HIVEP3: variants seen among roughly 807,000 people sequenced by gnomAD.
The protein encoded by HIVEP3 is HIVEP zinc finger 3, also known as transcription factor HIVEP3.
Under a neutral mutation model 152.8 loss-of-function variants are expected in HIVEP3, and 49 were observed. The observed-to-expected ratio is 0.32, with a 90% CI of 0.26 to 0.41. HIVEP3 has a LOEUF of 0.41. Ranked by LOEUF, HIVEP3 falls within the 10% of genes least tolerant of loss-of-function variation. The probability of loss-of-function intolerance (pLI) is 1.00; values close to 1 mark genes in which losing one functional copy is unlikely to be tolerated. For synonymous variants in HIVEP3, 1,269 were observed against 1,289.0 expected (o/e 0.98, Z 0.33); for missense variants, 2,790 against 3,103.3 (o/e 0.90, Z 2.40).
chr1:41,694,820 C>A (rs1159128542), intron 2 of HIVEP3, among the ~76,000 whole-genome samples: 1 of 152,176 alleles, frequency 6.6e-6, no homozygotes, highest in African/African-American at 2.4e-5. Context: ...GTTGGGATCA[C>A]TAGTCTCATT....
chr1:42,013,782 G>A (rs189227624), intron 1 of HIVEP3, among the ~76,000 whole-genome samples: 8 of 152,312 alleles, frequency 5.3e-5, no homozygotes, highest in Admixed American at 3.3e-4. Flanking sequence ...CAGAGAAGCA[G>A]AAAGACACCC....
chr1:41,766,585 G>A (rs1648023365), intron 1 of HIVEP3, among the ~76,000 whole-genome samples: 1 of 152,212 alleles, frequency 6.6e-6, no homozygotes, highest in Non-Finnish European at 1.5e-5. Context: ...GAGACTGAAG[G>A]TGAACTCACT....
intron 1 of HIVEP3, among the ~76,000 whole-genome samples, chr1:41,768,380 C>A (rs1648141426): frequency 6.6e-6 from 1 of 152,202 alleles, no homozygotes; most frequent in African/African-American, 2.4e-5. Flanking sequence ...GATTCAATTA[C>A]CTCCCACCAG....
chr1:41,904,668 C>T (rs541340942), intron 1 of HIVEP3, among the ~76,000 whole-genome samples: 1 of 152,296 alleles, frequency 6.6e-6, no homozygotes, highest in South Asian at 2.1e-4. Flanking sequence ...ACTTTATGCC[C>T]CACTTTGGTG....
chr1:41,883,627 T>C lies in HIVEP3; in HGVS notation c.-801+34786A>G, dbSNP rs558570315. Among the ~76,000 whole-genome samples, 6 of 152,318 alleles carry C rather than the reference T, an allele frequency of 3.9e-5. No homozygotes were observed. The South Asian group carries it at 1.2e-3, about 32-fold the overall frequency. ...ACCTCTCCAGGGCCAAAAGAGAACC[T>C]GTGACCCCACAGGATCGAGCCTGCC... On this transcript the variant is annotated intron_variant, in intron 1 of 8. Coordinates refer to ENST00000372583, the MANE Select transcript of HIVEP3 (RefSeq NM_024503.5).
chr1:41,844,437 T>C (rs1570652142), intron 1 of HIVEP3, among the ~76,000 whole-genome samples: 1 of 152,200 alleles, frequency 6.6e-6, no homozygotes, highest in Non-Finnish European at 1.5e-5. Flanking sequence ...CAGAGTCCTC[T>C]GCAGGCAAAG....
At chr1:41,791,259 T>C (rs546760635) in intron 1 of HIVEP3, among the ~76,000 whole-genome samples, 52 of 152,334 alleles carry the variant, frequency 3.4e-4, no homozygotes, top group Admixed American at 1.2e-3. Flanking sequence ...CTGCTTTTTA[T>C]CCCTGGAACA....
intron 2 of HIVEP3, among the ~76,000 whole-genome samples, chr1:41,648,758 G>A (rs924615509): frequency 6.6e-6 from 1 of 152,256 alleles, no homozygotes; most frequent in African/African-American, 2.4e-5. Context: ...AGGCATGGAA[G>A]TGGAAGTGAC....
intron 5 of HIVEP3, among the ~76,000 whole-genome samples, chr1:41,538,792 A>ATCCAGAAGC: frequency 6.6e-6 from 1 of 151,810 alleles, no homozygotes; most frequent in South Asian, 2.1e-4. Flanking sequence ...GCAGGCAGGA[A>ATCCAGAAGC]TGGGTTGAAA....
intron 5 of HIVEP3, among the ~76,000 whole-genome samples, chr1:41,544,828 C>CCAT (rs1187853558): frequency 1.1e-5 from 1 of 87,770 alleles, no homozygotes; most frequent in Admixed American, 1.1e-4. Flanking sequence ...TCTACCACCA[C>CCAT]CATCACCACC....
chr1:41,893,711 T>C (rs1209898649), intron 1 of HIVEP3, among the ~76,000 whole-genome samples: 1 of 150,402 alleles, frequency 6.6e-6, no homozygotes. Context: ...TGTGTGTGTA[T>C]GTGTTTGTGT....
At position 41,952,515 on chromosome 1, in the gene HIVEP3, C is replaced by G. The variant is rs546506531; in HGVS notation, n.120-33991G>C. 4.6e-5 allele frequency among the ~76,000 whole-genome samples: 7 copies of G among 152,288 alleles called. No homozygotes were observed. The East Asian group carries it at 1.4e-3, about 29-fold the overall frequency. ...GTTAAGGATCAGCAGAAGCAAGTTA[C>G]TTCTGGTCCCTGATAACCAAAGCCC... On this transcript the variant is annotated intron_variant and non_coding_transcript_variant, in intron 1 of 3. Transcript: ENST00000489103.
At chr1:41,530,928 C>A (rs1051097611) in intron 5 of HIVEP3, among the ~76,000 whole-genome samples, 2 of 152,226 alleles carry the variant, frequency 1.3e-5, no homozygotes, top group Admixed American at 1.3e-4. Context: ...TGTACACAAC[C>A]ACGTGCAGCA....
intron 1 of HIVEP3, among the ~76,000 whole-genome samples, chr1:41,894,592 C>T (rs774435371): frequency 4.1e-4 from 63 of 152,252 alleles, no homozygotes; most frequent in Middle Eastern, 3.4e-3. Context: ...CAAACATTTC[C>T]ACTCCCGAAA....
At chr1:41,789,885 T>G (rs1476008017) in intron 1 of HIVEP3, among the ~76,000 whole-genome samples, 1 of 152,210 alleles carries the variant, frequency 6.6e-6, no homozygotes, top group Non-Finnish European at 1.5e-5. Flanking sequence ...CAAGGTCACA[T>G]TTAAATAAGT....
intron 4 of HIVEP3, among the ~76,000 whole-genome samples, chr1:41,579,173 C>T (rs1305780201): frequency 1.3e-5 from 2 of 152,184 alleles, no homozygotes; most frequent in Non-Finnish European, 1.5e-5. Context: ...GATACTGCAG[C>T]TCAGCTCCAT....
intron 5 of HIVEP3, among the ~76,000 whole-genome samples, chr1:41,544,897 TCACC>T (rs1643674536): frequency 1.1e-3 from 1 of 880 alleles, no homozygotes; most frequent in African/African-American, 9.4e-3. Context: ...ACCACCACCA[TCACC>T]ACCACCACTA....
chr1:41,656,871 C>A (rs998014894), intron 2 of HIVEP3, among the ~76,000 whole-genome samples: 5 of 152,236 alleles, frequency 3.3e-5, no homozygotes, highest in African/African-American at 1.2e-4. Flanking sequence ...TGCCCGACCA[C>A]TCCATCAGAG....
At chr1:41,543,972 C>T (rs1451040955) in intron 5 of HIVEP3, 1 of 152,180 alleles carries the variant, frequency 6.6e-6, no homozygotes, top group African/African-American at 2.4e-5. Flanking sequence ...TCATTCCAGT[C>T]ATAAGGGCTC....
Sources: gnomAD v4.1 joint callset for allele counts (sites outside exome capture counted in the v4.1 genomes callset) on GRCh38, gnomAD v4.1.1 for gene constraint, MANE v1.5 for transcripts, NCBI Gene and HGNC (gene_info 2026-07-23, HGNC 2026-07-21) for gene names.